Variants in CTSV observed in about 807,000 individuals in gnomAD.
The protein encoded by CTSV is cathepsin L2.
In CTSV, 33 loss-of-function variants were observed where a neutral mutation model predicts 35.6. The observed-to-expected ratio is 0.93, with a 90% CI of 0.70 to 1.24. CTSV has a LOEUF of 1.24. Among genes scored for constraint, CTSV ranks in the 50% most tolerant of loss-of-function variants. The probability of loss-of-function intolerance (pLI) is 0.00; values close to 1 mark genes in which losing one functional copy is unlikely to be tolerated. For synonymous variants in CTSV, 154 were observed against 147.1 expected (o/e 1.05, Z -0.34); for missense variants, 408 against 413.1 (o/e 0.99, Z 0.11).
intron 6 of CTSV, 90 bp downstream of exon 6, chr9:97,035,438 A>G: frequency 9.3e-7 from 1 of 1,071,060 alleles, no homozygotes; most frequent in Middle Eastern, 2.2e-4. Flanking sequence ...AAAATACTAC[A>G]TTCCTGCAAA....
intron 7 of CTSV, among the ~76,000 whole-genome samples, chr9:97,033,334 A>C (rs569239228): frequency 1.3e-5 from 2 of 151,770 alleles, no homozygotes; most frequent in South Asian, 4.2e-4. Context: ...AAAATTGGCC[A>C]GGTGCGGTGC....
chr9:97,037,971 A>C lies in CTSV; in HGVS notation c.73T>G (p.Leu25Val). The change falls in exon 2 of 8, where the codon TTG becomes GTG. Residue 25 changes from leucine to valine, a missense_variant. Coordinates refer to ENST00000259470, the MANE Select transcript of CTSV (RefSeq NM_001333.4). ...TTCCACTGGTACCACTTTGTATCCA[A>C]ATTTTGGTCAAATTTTGGAACAGCG... ...ASAVPKFDQN[L>V]DTKWYQWKAT... 1 of 1,614,078 alleles carries C rather than the reference A, an allele frequency of 6.2e-7. No homozygotes were observed. The highest frequency in any genetic ancestry group is 8.5e-7 in the Non-Finnish European group (1 of 1,180,014).
rs768559820 is a variant in CTSV, at chr9:97,036,599, A to G, written c.545T>C (p.Phe182Ser). The change falls in exon 5 of 8, where the codon TTC becomes TCC. Residue 182 changes from phenylalanine to serine, a missense_variant. Transcript: ENST00000259470. The stretch of plus-strand genomic sequence containing the variant: ...GACATACTGGAAGGCCCTAGCCATG[A>G]AGCCACCATTGCAGCCCTGATTGCC... Reference protein sequence around the residue: ...PQGNQGCNGGFMARAFQYVKE... With the variant: ...PQGNQGCNGGSMARAFQYVKE... The G allele has an allele frequency of 6.2e-7, 1 of 1,614,088 alleles. No individual in the cohort carries two copies. The highest frequency in any genetic ancestry group is 1.1e-5 in the South Asian group (1 of 91,074).
intron 2 of CTSV, 77 bp downstream of exon 2, chr9:97,037,841 A>G: frequency 1.3e-6 from 2 of 1,569,712 alleles, no homozygotes; most frequent in Admixed American, 1.7e-5. Context: ...TCTAGAAGCT[A>G]CTCTCTGGCT....
Position 97,029,753 on chromosome 9 carries a change from G to C in CTSV, c.*3196C>G, listed in dbSNP as rs920361913. The C allele has an allele frequency of 6.6e-6, 1 of 152,220 alleles. No individual in the cohort carries two copies. Among genetic ancestry groups the C allele is most frequent in the Non-Finnish European group, 1.5e-5 (1 of 68,022 alleles). The allele number at this position is 152,220 out of a possible 1,614,324, so 9.4% of individuals were successfully genotyped here. A position where few individuals can be genotyped will look rare whatever the true frequency, so the allele number is the denominator to read the frequency against. ...AACATTTGTGAAATTGTTTACAATT[G>C]AGATATCCATACACACAAGTCATGT... On this transcript the variant is annotated 3_prime_UTR_variant, in exon 8 of 8. Transcript: ENST00000259470.
At chr9:97,037,039 A>G (rs902319411) in intron 4 of CTSV, among the ~76,000 whole-genome samples, 1 of 152,078 alleles carries the variant, frequency 6.6e-6, no homozygotes, top group African/African-American at 2.4e-5. Context: ...CCCAGGAGGC[A>G]GAGGTTGCAG....
chr9:97,035,427 C>G, intron 6 of CTSV, 101 bp downstream of exon 6: 2 of 989,326 alleles, frequency 2.0e-6, no homozygotes, highest in East Asian at 3.0e-5. Flanking sequence ...TGCTCACTCT[C>G]AAAATACTAC....
At chr9:97,034,442 A>C (rs1215463859) in intron 7 of CTSV, among the ~76,000 whole-genome samples, 2 of 152,210 alleles carry the variant, frequency 1.3e-5, no homozygotes, top group Non-Finnish European at 2.9e-5. Context: ...AGAAAAAAGC[A>C]ATCAGCTCTC....
chr9:97,031,511 C>T lies in CTSV; in HGVS notation c.*1438G>A, dbSNP rs968159394. The stretch of plus-strand genomic sequence containing the variant: ...TTTCTCCTGCTCATAAAAATACATG[C>T]TTTTCACTAAACGAGTTAAATAACC... On this transcript the variant is annotated 3_prime_UTR_variant, in exon 8 of 8. Transcript: ENST00000259470. 1.3e-5 allele frequency: 2 copies of T among 152,208 alleles called. No individual in the cohort carries two copies. The highest frequency in any genetic ancestry group is 2.4e-5 in the African/African-American group (1 of 41,454). The allele number at this position is 152,208 out of a possible 1,614,324, so 9.4% of individuals were successfully genotyped here.
In CTSV at chr9:97,030,750, G is replaced by A. The variant is rs957094626; in HGVS notation, c.*2199C>T. 2.6e-5 allele frequency: 4 copies of A among 152,196 alleles called. No homozygotes were observed. The highest frequency in any genetic ancestry group is 4.8e-5 in the African/African-American group (2 of 41,440). The allele number at this position is 152,196 out of a possible 1,614,324, so 9.4% of individuals were successfully genotyped here. On this transcript the variant is annotated 3_prime_UTR_variant, in exon 8 of 8. Transcript: ENST00000259470. The stretch of plus-strand genomic sequence containing the variant: ...ATGCTATTGTTTGTAGTTTAGGAAC[G>A]CCTTTAAGCCGTTTTCCCGCCCTGG...
rs1177487402 is a variant in CTSV, at chr9:97,030,860, G to A, written c.*2089C>T. The A allele has an allele frequency of 6.6e-6, 1 of 152,172 alleles. No individual in the cohort carries two copies. The highest frequency in any genetic ancestry group is 1.5e-5 in the Non-Finnish European group (1 of 68,036). The allele number at this position is 152,172 out of a possible 1,614,324, so 9.4% of individuals were successfully genotyped here. ...CATGAACCTGTCACAGTACTGCAGA[G>A]ATTTTGTTTATGGCCAGATTTGGGG... On this transcript the variant is annotated 3_prime_UTR_variant, in exon 8 of 8. Transcript: ENST00000259470.
Position 97,036,523 on chromosome 9 carries a change from C to T in CTSV, c.621G>A (p.Val207=). The T allele has an allele frequency of 3.1e-6, 5 of 1,607,638 alleles. No individual in the cohort carries two copies. Among genetic ancestry groups the T allele is most frequent in the Non-Finnish European group, 4.3e-6 (5 of 1,174,194 alleles). Residue 207 remains valine (V), a splice_region_variant and synonymous_variant, in exon 5 of 8, where the codon GTG becomes GTA. Transcript: ENST00000259470. ...TGACAAGATAAGGAGCTCCATTTAC[C>T]ACTGCTACATATGGATAGGATTCCT... The part of the protein sequence containing the change: ...DSEESYPYVA[V]DEICKYRPEN...
chr9:97,039,034 C>T (rs1488950629), intron 1 of CTSV, 37 bp downstream of exon 1: 1 of 152,582 alleles, frequency 6.6e-6, no homozygotes, highest in Non-Finnish European at 1.5e-5. Context: ...TCCAGTCCCC[C>T]TTCGCCCTGT....
In CTSV at chr9:97,036,417, T is replaced by G. The variant is rs188724788; in HGVS notation, c.621+106A>C. On this transcript the variant is annotated intron_variant, in intron 5 of 7. Transcript: ENST00000259470. ...AATACTCACGGTTTGCAGATGTAGA[T>G]TCTACCATATAAAATGTGAATTCTG... The G allele has an allele frequency of 4.2e-5, 35 of 841,738 alleles. No homozygotes were observed. The African/African-American group carries it at 5.0e-4, about 12-fold the overall frequency. The allele number at this position is 841,738 out of a possible 1,614,324, so 52.1% of individuals were successfully genotyped here. A position where few individuals can be genotyped will look rare whatever the true frequency, so the allele number is the denominator to read the frequency against.
At position 97,031,549 on chromosome 9, in the gene CTSV, C is replaced by T. The variant is rs1223201916; in HGVS notation, c.*1400G>A. The T allele has an allele frequency of 6.6e-6, 1 of 152,168 alleles. No homozygotes were observed. Among genetic ancestry groups the T allele is most frequent in the African/African-American group, 2.4e-5 (1 of 41,444 alleles). The allele number at this position is 152,168 out of a possible 1,614,324, so 9.4% of individuals were successfully genotyped here. A position where few individuals can be genotyped will look rare whatever the true frequency, so the allele number is the denominator to read the frequency against. On this transcript the variant is annotated 3_prime_UTR_variant, in exon 8 of 8. Transcript: ENST00000259470. ...GAGTTAAATAACCACCCATAATTCA[C>T]CCACAAGTTTGGTGTACTTTCTTCC...
chr9:97,035,496 TGC>T, intron 6 of CTSV, 30 bp downstream of exon 6: 2 of 1,436,020 alleles, frequency 1.4e-6, no homozygotes, highest in Non-Finnish European at 1.8e-6. Context: ...TTCCCAATTC[TGC>T]CTAAATTTCT....
chr9:97,037,813 G>A (rs1016270309), intron 2 of CTSV, 105 bp downstream of exon 2: 54 of 1,477,174 alleles, frequency 3.7e-5, no homozygotes, highest in Non-Finnish European at 4.8e-5. Context: ...TTAGGTTATT[G>A]CCTGGTAAGG....
Position 97,035,664 on chromosome 9 carries a change from A to C in CTSV, c.651T>G (p.Asn217Lys). The change falls in exon 6 of 8, where the codon AAT becomes AAG. Residue 217 changes from asparagine (N) to lysine (K), a missense_variant. Asn to Lys is a moderately conservative substitution (Grantham distance 94). Transcript: ENST00000259470. ...VDEICKYRPENSVANDTGFTV... is the reference protein window; with the variant it reads ...VDEICKYRPEKSVANDTGFTV... ...TGAAGCCAGTGTCATTAGCAACAGA[A>C]TTCTCAGGTCTGTACTTACAGATTT... 6.3e-7 allele frequency: 1 copy of C among 1,589,448 alleles called. No individual in the cohort carries two copies. Among genetic ancestry groups the C allele is most frequent in the Non-Finnish European group, 8.6e-7 (1 of 1,166,772 alleles).
chr9:97,033,101 C>A, intron 7 of CTSV, 53 bp from the exon 8 acceptor site: 3 of 1,221,908 alleles, frequency 2.5e-6, no homozygotes, highest in South Asian at 1.3e-5. Context: ...GGAAAATTGG[C>A]TCCATTAATA....
Sources: allele counts gnomAD v4.1 joint callset (sites outside exome capture counted in the v4.1 genomes callset), GRCh38; gene constraint gnomAD v4.1.1; transcripts MANE v1.5; gene names NCBI Gene and HGNC (gene_info 2026-07-23, HGNC 2026-07-21).